The following MYO9A variants were observed in gnomAD, a reference collection of about 807,000 sequenced individuals.
MYO9A encodes unconventional myosin-IXa.
MYO9A carries 103 observed loss-of-function variants against 293.3 expected under a neutral mutation model. The observed-to-expected ratio is 0.35, with a 90% CI of 0.30 to 0.41. The LOEUF (loss-of-function observed/expected upper bound fraction) is 0.41. MYO9A is among the 10% of genes least tolerant of loss of function. The pLI is 1.00. For missense variants in MYO9A, 2,685 were observed against 3,033.0 expected (o/e 0.89, Z 2.69); for synonymous variants, 1,001 against 1,035.7 (o/e 0.97, Z 0.64).
chr15:71,875,664 T>C (rs1181924524), intron 32 of MYO9A, 127 bp downstream of exon 32: 2 of 410,062 alleles, frequency 4.9e-6, no homozygotes, highest in Non-Finnish European at 8.5e-6. Flanking sequence ...AAGATATAAA[T>C]ATGATTATTG....
rs1254089443 is a variant in MYO9A at position 71,909,704 on chromosome 15, G to T, written c.2686-4698C>A. 2.6e-5 allele frequency among the ~76,000 whole-genome samples: 4 copies of T among 152,170 alleles called. No individual in the cohort carries two copies. The East Asian group carries it at 7.7e-4, about 29-fold the overall frequency. ...GTCACAGTCTACTTACTTAAGAGTC[G>T]ATATTTCACAAGTTCAAGTAAAACA... On this transcript the variant is annotated intron_variant, in intron 19 of 41. Transcript: ENST00000356056.
intron 18 of MYO9A, among the ~76,000 whole-genome samples, chr15:71,921,431 C>T (rs534705167): frequency 6.6e-6 from 1 of 152,214 alleles, no homozygotes; most frequent in South Asian, 2.1e-4. Flanking sequence ...ATCATTTTGA[C>T]TTATCCTGCA....
Position 71,848,879 on chromosome 15 carries a change from GC to G in MYO9A, c.6802del (p.Ala2268GlnfsTer7). On this transcript the variant is annotated frameshift_variant, in exon 39 of 42. Coordinates refer to ENST00000356056, the MANE Select transcript of MYO9A (RefSeq NM_006901.4). LOFTEE classifies it high-confidence loss of function. ...ISSLEFAENK[A>X]KTRLSLIRRS... ...ACGAATCAGTGACAACCTGGTCTTT[GC>G]CTTATTCTCAGCAAATTCCAAGCTA... is the stretch of plus-strand genomic sequence containing the variant. The G allele has an allele frequency of 6.2e-7, 1 of 1,611,788 alleles. No homozygotes were observed. Among genetic ancestry groups the G allele is most frequent in the Non-Finnish European group, 8.5e-7 (1 of 1,179,526 alleles).
At chr15:72,090,014 A>T (rs947612547) in intron 1 of MYO9A, among the ~76,000 whole-genome samples, 1 of 152,216 alleles carries the variant, frequency 6.6e-6, no homozygotes, top group Non-Finnish European at 1.5e-5. Flanking sequence ...TATTAAGACT[A>T]AGTATACAGG....
chr15:71,924,273 G>A (rs774964841), intron 18 of MYO9A, among the ~76,000 whole-genome samples: 20 of 151,538 alleles, frequency 1.3e-4, no homozygotes, highest in Non-Finnish European at 2.7e-4. Flanking sequence ...ATGGAGTCTC[G>A]CTCTGTCACC....
intron 12 of MYO9A, 64 bp from the exon 13 acceptor site, chr15:71,968,189 C>T (rs917069966): frequency 1.5e-6 from 2 of 1,338,794 alleles, no homozygotes; most frequent in African/African-American, 1.5e-5. Flanking sequence ...GTAATTAGTA[C>T]AGCCCTTTTC....
At chr15:71,981,081 A>G (rs1156394209) in intron 11 of MYO9A, among the ~76,000 whole-genome samples, 1 of 152,210 alleles carries the variant, frequency 6.6e-6, no homozygotes, top group Admixed American at 6.5e-5. Flanking sequence ...ATTTATTAAC[A>G]GATGATTAAA....
chr15:71,843,796 C>G (rs1223054257), intron 39 of MYO9A, among the ~76,000 whole-genome samples: 4 of 152,258 alleles, frequency 2.6e-5, no homozygotes, highest in East Asian at 1.9e-4. Context: ...TTATTGAGAA[C>G]CTTGAAGACG....
chr15:71,918,687 A>G (rs973415649), intron 18 of MYO9A, among the ~76,000 whole-genome samples: 2 of 152,238 alleles, frequency 1.3e-5, no homozygotes, highest in Non-Finnish European at 2.9e-5. Context: ...GTGAAAACAA[A>G]TTAGCATTGA....
chr15:72,069,180 A>G (rs2150133057), intron 1 of MYO9A, among the ~76,000 whole-genome samples: 1 of 152,336 alleles, frequency 6.6e-6, no homozygotes, highest in East Asian at 1.9e-4. Flanking sequence ...CAAGACTTCT[A>G]ACCTAATCAG....
intron 8 of MYO9A, among the ~76,000 whole-genome samples, chr15:72,000,266 G>A (rs964389085): frequency 6.6e-6 from 1 of 152,192 alleles, no homozygotes; most frequent in African/African-American, 2.4e-5. Flanking sequence ...TGGAGGCAAG[G>A]ACTAAAAAGT....
chr15:72,002,086 C>G (rs2076882446), intron 8 of MYO9A, among the ~76,000 whole-genome samples: 2 of 152,054 alleles, frequency 1.3e-5, no homozygotes, highest in African/African-American at 4.8e-5. Flanking sequence ...AAGACCTCCT[C>G]TCTACTAAAA....
At chr15:72,012,248 G>A (rs1458289088) in intron 6 of MYO9A, among the ~76,000 whole-genome samples, 1 of 152,130 alleles carries the variant, frequency 6.6e-6, no homozygotes, top group East Asian at 1.9e-4. Context: ...AATTGCTTTC[G>A]ATAAGCAATT....
intron 13 of MYO9A, among the ~76,000 whole-genome samples, chr15:71,966,265 AGTGT>A (rs377708464): frequency 0.011 from 1,497 of 134,938 alleles, 13 homozygotes; most frequent in African/African-American, 0.02. Context: ...ATCCCAGGCA[AGTGT>A]GTGTGTGTGT....
intron 19 of MYO9A, among the ~76,000 whole-genome samples, chr15:71,907,696 G>A (rs2057707134): frequency 6.6e-6 from 1 of 151,452 alleles, no homozygotes; most frequent in Non-Finnish European, 1.5e-5. Flanking sequence ...GATGGCCAGT[G>A]ATGGTGAGCA....
intron 1 of MYO9A, among the ~76,000 whole-genome samples, chr15:72,100,994 A>C (rs2080279749): frequency 8.3e-6 from 1 of 120,482 alleles, no homozygotes; most frequent in South Asian, 3.1e-4. Flanking sequence ...CCGCCTGGCC[A>C]GCCGCCCCGT....
chr15:71,957,677 T>A (rs139487102), intron 14 of MYO9A, among the ~76,000 whole-genome samples: 274 of 152,216 alleles, frequency 1.8e-3, no homozygotes, highest in African/African-American at 6.5e-3. Context: ...CAGAGTTACA[T>A]AGTCTATTGA....
chr15:72,117,851 G>T lies in MYO9A; in HGVS notation c.-243C>A, dbSNP rs369920875. On this transcript the variant is annotated 5_prime_UTR_variant, in exon 1 of 42. Coordinates refer to ENST00000356056, the MANE Select transcript of MYO9A (RefSeq NM_006901.4). ...CCTCAGGGTCCGGGCGAGCGGCCGC[G>T]GCGCATCCCCCGCCCTGTCAGAGAG... 125 of 398,606 alleles carry T rather than the reference G, an allele frequency of 3.1e-4. No individual in the cohort carries two copies. Among genetic ancestry groups the T allele is most frequent in the African/African-American group, 2.4e-3 (119 of 48,708 alleles). The allele number at this position is 398,606 out of a possible 1,614,324, so 24.7% of individuals were successfully genotyped here.
intron 1 of MYO9A, among the ~76,000 whole-genome samples, chr15:72,048,009 C>A (rs1322702507): frequency 1.3e-5 from 2 of 151,664 alleles, no homozygotes; most frequent in Non-Finnish European, 2.9e-5. Context: ...CATACTACTA[C>A]ATATTTGTCA....
Sources: allele counts gnomAD v4.1 joint callset (sites outside exome capture counted in the v4.1 genomes callset), GRCh38; gene constraint gnomAD v4.1.1; transcripts MANE v1.5; gene names NCBI Gene and HGNC (gene_info 2026-07-23, HGNC 2026-07-21).